SBF2: variants seen among roughly 807,000 people sequenced by gnomAD.
The protein encoded by SBF2 is SET binding factor 2.
SBF2 carries 112 observed loss-of-function variants against 225.2 expected under a neutral mutation model. The ratio of observed to expected loss-of-function variants is 0.50; its 90% CI spans 0.43 to 0.58. The LOEUF (loss-of-function observed/expected upper bound fraction) is 0.58, where lower values mean the gene tolerates loss of function less well. SBF2 is among the 20% of genes least tolerant of loss of function. The probability of loss-of-function intolerance (pLI) is 0.00; values close to 1 mark genes in which losing one functional copy is unlikely to be tolerated. For missense variants in SBF2, 1,996 were observed against 2,206.2 expected (o/e 0.90, Z 1.91); for synonymous variants, 763 against 773.3 (o/e 0.99, Z 0.22).
chr11:9,946,741 C>T (rs908664268), intron 16 of SBF2, among the ~76,000 whole-genome samples: 3 of 152,208 alleles, frequency 2.0e-5, no homozygotes, highest in Non-Finnish European at 4.4e-5. Context: ...TGAGCCACTG[C>T]ACCTGGCCTA....
At chr11:9,959,444 T>C (rs763029427) in intron 16 of SBF2, 13 of 1,049,700 alleles carry the variant, frequency 1.2e-5, no homozygotes, top group Admixed American at 1.7e-5. Context: ...TTGCTCACCA[T>C]GTCCCTTATC....
At chr11:10,041,914 C>T (rs1273071500) in intron 3 of SBF2, among the ~76,000 whole-genome samples, 2 of 151,948 alleles carry the variant, frequency 1.3e-5, no homozygotes, top group African/African-American at 4.8e-5. Flanking sequence ...GAAAGAAAAA[C>T]CACCACCACC....
Position 10,087,793 on chromosome 11 carries a change from G to A in SBF2, c.142-44812C>T, listed in dbSNP as rs189122829. Among the ~76,000 whole-genome samples the A allele has an allele frequency of 2.1e-4, 32 of 152,228 alleles. No homozygotes were observed. The East Asian group carries it at 5.6e-3, about 27-fold the overall frequency. ...GTGTTTTGAAGAACAATAGTGACTG[G>A]AGTATTCCAATTAGTCAGCATTTTC... On this transcript the variant is annotated intron_variant, in intron 2 of 39. Coordinates refer to ENST00000256190, the MANE Select transcript of SBF2 (RefSeq NM_030962.4).
In SBF2 at chr11:9,982,179, T is replaced by C. The variant is rs192883891; in HGVS notation, c.1395+7318A>G. ...TCAATTTGCTTTTTTTCTTTCAGCT[T>C]TTCGCTCCCTCTGTTCAAAACAATG... On this transcript the variant is annotated intron_variant, in intron 13 of 39. Transcript: ENST00000256190. 3.9e-3 allele frequency among the ~76,000 whole-genome samples: 599 copies of C among 152,304 alleles called. 3 individuals are homozygous for C. Among genetic ancestry groups the C allele is most frequent in the Middle Eastern group, 0.027 (8 of 294 alleles).
At chr11:9,921,266 C>T (rs1863611494) in intron 16 of SBF2, among the ~76,000 whole-genome samples, 1 of 152,020 alleles carries the variant, frequency 6.6e-6, no homozygotes, top group African/African-American at 2.4e-5. Flanking sequence ...GATGGGGTTT[C>T]TCCATGTTGG....
chr11:9,996,959 C>T (rs1018786071), intron 9 of SBF2, among the ~76,000 whole-genome samples: 5 of 152,144 alleles, frequency 3.3e-5, no homozygotes, highest in Non-Finnish European at 2.9e-5. Context: ...AGAACACAGA[C>T]TGGAATTCAG....
chr11:10,196,866 A>ATATATATATATATATATATTTTTTTTTTT, intron 1 of SBF2, among the ~76,000 whole-genome samples: 9 of 99,296 alleles, frequency 9.1e-5, no homozygotes, highest in East Asian at 2.5e-4. Context: ...ATATATATAT[A>ATATATATATATATATATATTTTTTTTTTT]TTTTTTTTTT....
rs74458133 is a variant in SBF2 at position 10,092,398 on chromosome 11, G to A, written c.142-49417C>T. Among the ~76,000 whole-genome samples the A allele has an allele frequency of 3.8e-3, 583 of 152,214 alleles. 4 individuals are homozygous for A. The highest frequency in any genetic ancestry group is 5.4e-3 in the South Asian group (26 of 4,822). ...AGAAGGACTCTGTAAATATAAGGCC[G>A]AAGTTGTAATTTTTGCAGCTTATGT... On this transcript the variant is annotated intron_variant, in intron 2 of 39. Coordinates refer to ENST00000256190, the MANE Select transcript of SBF2 (RefSeq NM_030962.4).
At chr11:9,884,353 T>A (rs1328149080) in intron 17 of SBF2, among the ~76,000 whole-genome samples, 1 of 150,992 alleles carries the variant, frequency 6.6e-6, no homozygotes, top group African/African-American at 2.4e-5. Flanking sequence ...TTGAGTCTGA[T>A]CATTTAAAGA....
rs1323409284 is a variant in SBF2, at chr11:10,300,825, T to C, written n.386+3667A>G. ...TCTCTCTCTCTCTTTTTTTTTTTTT[T>C]TCTTTGTAGGGATGGATTTTTGCCA... is the stretch of plus-strand genomic sequence containing the variant. On this transcript the variant is annotated intron_variant and non_coding_transcript_variant, in intron 1 of 5. Transcript: ENST00000685217. Among the ~76,000 whole-genome samples, 8 of 151,920 alleles carry C rather than the reference T, an allele frequency of 5.3e-5. No homozygotes were observed. The East Asian group carries it at 1.4e-3, about 26-fold the overall frequency.
At chr11:10,048,725 C>A (rs767096754) in intron 2 of SBF2, among the ~76,000 whole-genome samples, 1 of 152,046 alleles carries the variant, frequency 6.6e-6, no homozygotes, top group African/African-American at 2.4e-5. Context: ...TATTATCATA[C>A]TATTAGTTAA....
intron 6 of SBF2, among the ~76,000 whole-genome samples, chr11:10,023,478 G>A (rs1439056144): frequency 6.6e-6 from 1 of 152,122 alleles, no homozygotes. Context: ...TCCAATTGCA[G>A]AAGAATTTCA....
chr11:9,915,318 G>C (rs573384023), intron 16 of SBF2, among the ~76,000 whole-genome samples: 1 of 151,916 alleles, frequency 6.6e-6, no homozygotes, highest in Admixed American at 6.6e-5. Context: ...GTGGTGGCAC[G>C]TGCCTGTAGT....
chr11:10,025,094 T>A (rs16907390), intron 6 of SBF2, among the ~76,000 whole-genome samples: 3 of 152,190 alleles, frequency 2.0e-5, no homozygotes, highest in Admixed American at 2.0e-4. Context: ...TTCATATAGT[T>A]TTGGTCCTCA....
chr11:10,201,392 A>G (rs916976279), intron 1 of SBF2, among the ~76,000 whole-genome samples: 15 of 152,226 alleles, frequency 9.9e-5, no homozygotes, highest in Admixed American at 2.6e-4. Context: ...AGTAGATCTA[A>G]TTGTGCCAGT....
intron 17 of SBF2, among the ~76,000 whole-genome samples, chr11:9,868,413 G>C (rs966608213): frequency 6.6e-6 from 1 of 151,252 alleles, no homozygotes; most frequent in Non-Finnish European, 1.5e-5. Context: ...AGCTACTCGG[G>C]AGGCTGAGGC....
At chr11:10,156,429 G>C (rs1034239390) in intron 2 of SBF2, among the ~76,000 whole-genome samples, 16 of 152,314 alleles carry the variant, frequency 1.1e-4, no homozygotes, top group Admixed American at 4.6e-4. Flanking sequence ...AGGCATGAAG[G>C]GGCCGGTCCT....
chr11:10,212,624 TTTTCA>T (rs1565360200), intron 1 of SBF2, among the ~76,000 whole-genome samples: 1 of 152,228 alleles, frequency 6.6e-6, no homozygotes, highest in Admixed American at 6.5e-5. Flanking sequence ...AAGTGTTCTC[TTTTCA>T]TTTGTTTGTT....
At chr11:10,053,778 AGAG>A (rs1324951093) in intron 2 of SBF2, among the ~76,000 whole-genome samples, 1 of 151,878 alleles carries the variant, frequency 6.6e-6, no homozygotes, top group Non-Finnish European at 1.5e-5. Flanking sequence ...AAATTAACCA[AGAG>A]TAGTGGCATG....
Sources: gnomAD v4.1 joint callset for allele counts (sites outside exome capture counted in the v4.1 genomes callset) on GRCh38, gnomAD v4.1.1 for gene constraint, MANE v1.5 for transcripts, NCBI Gene and HGNC (gene_info 2026-07-23, HGNC 2026-07-21) for gene names.